GRM1: variants seen among roughly 807,000 people sequenced by gnomAD.
GRM1 encodes the protein metabotropic glutamate receptor 1.
Under a neutral mutation model 90.9 loss-of-function variants are expected in GRM1, and 33 were observed. That is an observed-to-expected ratio of 0.36 (90% confidence interval 0.28 to 0.49). The LOEUF is 0.49. Ranked by LOEUF, GRM1 falls within the 20% of genes least tolerant of loss-of-function variation. The pLI, the probability that GRM1 is intolerant of heterozygous loss-of-function variation, is 0.99. For missense variants in GRM1, 1,190 were observed against 1,534.3 expected, an observed-to-expected ratio of 0.78 and a Z score of 3.75; for synonymous variants, 700 against 613.2, an observed-to-expected ratio of 1.14 and a Z score of -2.09.
intron 2 of GRM1, among the ~76,000 whole-genome samples, chr6:146,275,070 G>A (rs776994744): frequency 6.6e-6 from 1 of 152,062 alleles, no homozygotes; most frequent in Non-Finnish European, 1.5e-5. Context: ...GAAAAAGATG[G>A]CACTTGGCCA....
intron 2 of GRM1, among the ~76,000 whole-genome samples, chr6:146,185,228 T>G (rs926763293): frequency 1.3e-5 from 2 of 152,194 alleles, no homozygotes; most frequent in Non-Finnish European, 2.9e-5. Flanking sequence ...TACATTAACT[T>G]CCTCTCACAG....
At chr6:146,171,142 T>G (rs1286860931) in intron 2 of GRM1, among the ~76,000 whole-genome samples, 1 of 152,204 alleles carries the variant, frequency 6.6e-6, no homozygotes, top group Non-Finnish European at 1.5e-5. Context: ...AATAAAAATT[T>G]GTCTAGCTTA....
In GRM1 at chr6:146,437,268, T is replaced by C. The variant is rs1443830009; in HGVS notation, c.*2472T>C. ...AATTAGGATAGATAAGGAAACAACT[T>C]ATATTCAAGTGTAAGATGATATCAG... On this transcript the variant is annotated 3_prime_UTR_variant, in exon 8 of 8. Transcript: ENST00000282753. 4 of 152,288 alleles carry C rather than the reference T, an allele frequency of 2.6e-5. No individual in the cohort carries two copies. The East Asian group carries it at 7.7e-4, about 29-fold the overall frequency. The allele number at this position is 152,288 out of a possible 1,614,324, so 9.4% of individuals were successfully genotyped here.
At position 146,434,490 on chromosome 6, in the gene GRM1, C is replaced by T. The variant is rs753019797; in HGVS notation, c.3279C>T (p.Pro1093=). ...STFGEELVSP[P]ADDDDDSERF... is the part of the protein sequence containing the mutation. The stretch of plus-strand genomic sequence containing the variant: ...TTGGGGAGGAGCTGGTCTCCCCGCC[C>T]GCGGACGACGACGACGACAGCGAGA... Residue 1093 remains proline, a synonymous_variant, in exon 8 of 8, where the codon CCC becomes CCT. Transcript: ENST00000282753. 5.6e-6 allele frequency: 9 copies of T among 1,614,088 alleles called. No individual in the cohort carries two copies. In the South Asian group the frequency reaches 9.9e-5, roughly 18 times the overall value.
intron 3 of GRM1, among the ~76,000 whole-genome samples, chr6:146,320,134 G>A (rs1404171760): frequency 6.6e-5 from 10 of 152,080 alleles, no homozygotes; most frequent in African/African-American, 2.4e-4. Flanking sequence ...TTTGAGATAC[G>A]TTCCATCAAT....
chr6:146,329,391 G>A (rs764123788), intron 3 of GRM1, among the ~76,000 whole-genome samples: 1 of 152,180 alleles, frequency 6.6e-6, no homozygotes, highest in Non-Finnish European at 1.5e-5. Context: ...ACAGGGATCT[G>A]AAGGACAAGC....
intron 1 of GRM1, among the ~76,000 whole-genome samples, chr6:146,128,409 C>T (rs1011300475): frequency 5.9e-5 from 9 of 152,098 alleles, no homozygotes; most frequent in African/African-American, 1.7e-4. Context: ...TCACCAAACA[C>T]TCTGAGGTAG....
intron 1 of GRM1, among the ~76,000 whole-genome samples, chr6:146,125,471 CT>C (rs1156550263): frequency 1.5e-4 from 23 of 151,578 alleles, no homozygotes; most frequent in African/African-American, 4.6e-4. Flanking sequence ...CTGCCCCCCC[CT>C]CAACTTTCTC....
At chr6:146,376,629 A>T (rs956624168) in intron 5 of GRM1, among the ~76,000 whole-genome samples, 7 of 151,838 alleles carry the variant, frequency 4.6e-5, no homozygotes, top group Non-Finnish European at 8.8e-5. Flanking sequence ...TAAAGTTTCC[A>T]CTGAGGAGTC....
At chr6:146,125,119 C>T (rs941965861) in intron 1 of GRM1, among the ~76,000 whole-genome samples, 1 of 152,052 alleles carries the variant, frequency 6.6e-6, no homozygotes, top group African/African-American at 2.4e-5. Flanking sequence ...TTGGTAACTG[C>T]CACTTGCCAA....
intron 7 of GRM1, among the ~76,000 whole-genome samples, chr6:146,401,709 A>G (rs980302354): frequency 3.3e-5 from 5 of 152,150 alleles, no homozygotes; most frequent in Admixed American, 2.6e-4. Context: ...CATTTTTGAA[A>G]GTTTTTCTTC....
chr6:146,352,135 A>G lies in GRM1; in HGVS notation c.1187-115A>G. 3 of 1,020,852 alleles carry G rather than the reference A, an allele frequency of 2.9e-6. No individual in the cohort carries two copies. The East Asian group carries it at 7.2e-5, about 24-fold the overall frequency. 63.2% of individuals were successfully genotyped at this position (1,020,852 alleles called of 1,614,324 possible). ...TGCACAGGTGGGCGTGGCTTCTGCC[A>G]GTGTCATTGCTCATTCCCTTCCTCT... On this transcript the variant is annotated intron_variant, in intron 3 of 7. Transcript: ENST00000282753.
chr6:146,085,968 T>C (rs892771209), intron 1 of GRM1, among the ~76,000 whole-genome samples: 2 of 152,196 alleles, frequency 1.3e-5, no homozygotes, highest in Non-Finnish European at 2.9e-5. Context: ...TATTGCTTTG[T>C]GCTGGCATAC....
intron 3 of GRM1, 96 bp from the exon 4 acceptor site, chr6:146,352,154 T>G: frequency 7.7e-7 from 1 of 1,290,704 alleles, no homozygotes; most frequent in Non-Finnish European, 1.1e-6. Context: ...GCTCATTCCC[T>G]TCCTCTGAGA....
chr6:146,270,444 GT>G (rs1782072841), intron 2 of GRM1, among the ~76,000 whole-genome samples: 1 of 152,148 alleles, frequency 6.6e-6, no homozygotes, highest in South Asian at 2.1e-4. Context: ...GGAAAGATAT[GT>G]TGCTTTCAAG....
intron 3 of GRM1, among the ~76,000 whole-genome samples, chr6:146,323,920 C>A (rs2114977050): frequency 6.6e-6 from 1 of 152,304 alleles, no homozygotes; most frequent in African/African-American, 2.4e-5. Context: ...GGCATTATTT[C>A]TGAGGGCTCT....
chr6:146,034,925 A>T (rs952495538), intron 1 of GRM1, among the ~76,000 whole-genome samples: 9 of 152,046 alleles, frequency 5.9e-5, no homozygotes, highest in Non-Finnish European at 1.3e-4. Flanking sequence ...AGTAGTTTTT[A>T]CTTTAAGGGG....
At chr6:146,312,374 A>G (rs1783806762) in intron 3 of GRM1, among the ~76,000 whole-genome samples, 1 of 150,666 alleles carries the variant, frequency 6.6e-6, no homozygotes, top group South Asian at 2.1e-4. Flanking sequence ...AAAAAAAAAA[A>G]AAAAAGAATA....
rs78941206 is a variant in GRM1, at chr6:146,043,657, A to T, written c.700+13440A>T. The stretch of plus-strand genomic sequence containing the variant: ...AGCTCAAAACTAAAATTAATGCTCA[A>T]TCACAGAATATATTCTAGCTTATGT... On this transcript the variant is annotated intron_variant, in intron 1 of 7. Transcript: ENST00000282753. Among the ~76,000 whole-genome samples, 357 of 151,568 alleles carry T rather than the reference A, an allele frequency of 2.4e-3. 2 individuals are homozygous for T. The highest frequency in any genetic ancestry group is 8.3e-3 in the African/African-American group (344 of 41,444).
Sources: allele counts gnomAD v4.1 joint callset (sites outside exome capture counted in the v4.1 genomes callset), GRCh38; gene constraint gnomAD v4.1.1; transcripts MANE v1.5; gene names NCBI Gene and HGNC (gene_info 2026-07-23, HGNC 2026-07-21).